The following NEBL variants were observed in gnomAD, a reference collection of about 807,000 sequenced individuals.
NEBL encodes LIM and SH3 protein 2.
A neutral mutation model predicts 140.2 loss-of-function variants in NEBL; 122 were observed. That is an observed-to-expected ratio of 0.87 (90% CI 0.75 to 1.01). The LOEUF (loss-of-function observed/expected upper bound fraction) is 1.01, where lower values mean the gene tolerates loss of function less well. Ranked by LOEUF, NEBL falls within the 50% of genes least tolerant of loss-of-function variation. The probability of loss-of-function intolerance (pLI) is 0.00; values close to 1 mark genes in which losing one functional copy is unlikely to be tolerated. For missense variants in NEBL, 1,365 were observed against 1,231.3 expected (o/e 1.11, Z -1.62); for synonymous variants, 436 against 398.9 (o/e 1.09, Z -1.11).
intron 3 of NEBL, among the ~76,000 whole-genome samples, chr10:21,199,496 G>A (rs1841700979): frequency 6.6e-6 from 1 of 152,130 alleles, no homozygotes; most frequent in Non-Finnish European, 1.5e-5. Context: ...TCAAGTGGAA[G>A]CCCCCTTAAA....
In NEBL at chr10:20,855,299, T is replaced by A. The variant is rs140534422; in HGVS notation, c.904-2650A>T. Reference sequence around the variant, plus strand: ...AAGAAAGATAATAATACAGACTTTATAATTTGATTAGAAGTTATCTTGTAA... The same window carrying A: ...AAGAAAGATAATAATACAGACTTTAAAATTTGATTAGAAGTTATCTTGTAA... On this transcript the variant is annotated intron_variant, in intron 9 of 27. Transcript: ENST00000377122. Among the ~76,000 whole-genome samples, 5 of 151,818 alleles carry A rather than the reference T, an allele frequency of 3.3e-5. No individual in the cohort carries two copies. In the East Asian group the frequency reaches 9.7e-4, roughly 29 times the overall value.
chr10:20,813,562 T>G (rs1290221572), intron 23 of NEBL, among the ~76,000 whole-genome samples: 2 of 152,162 alleles, frequency 1.3e-5, no homozygotes, highest in Non-Finnish European at 2.9e-5. Flanking sequence ...TAATATAATT[T>G]TTAAAACACA....
chr10:21,045,916 T>G (rs1834490979), intron 2 of NEBL, among the ~76,000 whole-genome samples: 2 of 152,132 alleles, frequency 1.3e-5, no homozygotes, highest in African/African-American at 4.8e-5. Flanking sequence ...ATACCTGCAA[T>G]CGCATGTTTA....
intron 2 of NEBL, chr10:21,069,939 C>G (rs948010031): frequency 4.4e-6 from 2 of 453,662 alleles, no homozygotes; most frequent in East Asian, 7.0e-5. Context: ...TAAATATCCC[C>G]TATCATGTAC....
intron 10 of NEBL, 60 bp downstream of exon 10, chr10:20,852,485 C>T: frequency 1.8e-6 from 2 of 1,109,738 alleles, no homozygotes; most frequent in South Asian, 2.5e-5. Context: ...GAGCGGCGGG[C>T]CTCAGGATGG....
chr10:21,096,853 T>C (rs569571036), intron 2 of NEBL, among the ~76,000 whole-genome samples: 5 of 152,234 alleles, frequency 3.3e-5, no homozygotes, highest in East Asian at 1.9e-4. Flanking sequence ...TTTCATCACA[T>C]TGGTCTTTCT....
chr10:21,180,685 A>G (rs1841371982), intron 3 of NEBL, among the ~76,000 whole-genome samples: 1 of 152,104 alleles, frequency 6.6e-6, no homozygotes, highest in African/African-American at 2.4e-5. Flanking sequence ...TCTCTCCCTA[A>G]GCCACCTTGT....
intron 3 of NEBL, among the ~76,000 whole-genome samples, chr10:21,003,954 C>CA (rs149698639): frequency 0.011 from 1,733 of 152,160 alleles, 22 homozygotes; most frequent in Non-Finnish European, 0.018. Flanking sequence ...AAAAGTCGTC[C>CA]AAAAAATCAA....
chr10:21,144,956 TAAAA>T (rs34036235), intron 2 of NEBL, among the ~76,000 whole-genome samples: 1 of 123,200 alleles, frequency 8.1e-6, no homozygotes, highest in African/African-American at 2.9e-5. Flanking sequence ...CCCTTCAAAT[TAAAA>T]AAAAAAAAAA....
chr10:21,002,958 C>T (rs1201033696), intron 3 of NEBL, among the ~76,000 whole-genome samples: 1 of 150,406 alleles, frequency 6.6e-6, no homozygotes, highest in Non-Finnish European at 1.5e-5. Context: ...AGACTGAACC[C>T]ATCATGATGG....
At chr10:20,833,963 T>C (rs1023362749) in intron 14 of NEBL, among the ~76,000 whole-genome samples, 1 of 152,132 alleles carries the variant, frequency 6.6e-6, no homozygotes, top group African/African-American at 2.4e-5. Flanking sequence ...ATGCTTTGGT[T>C]GGCGCCATTT....
intron 3 of NEBL, among the ~76,000 whole-genome samples, chr10:21,235,275 GAC>G (rs1181827109): frequency 1.3e-5 from 2 of 151,990 alleles, no homozygotes; most frequent in Non-Finnish European, 2.9e-5. Flanking sequence ...CAGCCTGGAT[GAC>G]AGAGTGAGAC....
chr10:20,986,687 GAAC>G (rs1346317541), intron 3 of NEBL, among the ~76,000 whole-genome samples: 5 of 152,126 alleles, frequency 3.3e-5, no homozygotes, highest in Non-Finnish European at 7.3e-5. Flanking sequence ...AAATTATAAT[GAAC>G]AAGTCATTCT....
intron 2 of NEBL, among the ~76,000 whole-genome samples, chr10:21,142,494 CA>C (rs1839677223): frequency 6.6e-6 from 1 of 152,090 alleles, no homozygotes; most frequent in Admixed American, 6.5e-5. Context: ...ACCTGTGAAA[CA>C]AACTAAACAA....
chr10:20,891,107 T>A (rs788962), intron 2 of NEBL, among the ~76,000 whole-genome samples: 36,024 of 152,072 alleles, frequency 0.24, 4,507 homozygotes, highest in East Asian at 0.42. Context: ...TTTTCCCATA[T>A]GCAAGCCTGA....
At chr10:20,883,330 C>G (rs548834266) in intron 4 of NEBL, among the ~76,000 whole-genome samples, 26 of 152,304 alleles carry the variant, frequency 1.7e-4, no homozygotes, top group African/African-American at 6.3e-4. Context: ...TCAGAAGCAG[C>G]ACCTCACATT....
At chr10:21,184,689 G>C (rs1314968340) in intron 3 of NEBL, among the ~76,000 whole-genome samples, 1 of 152,180 alleles carries the variant, frequency 6.6e-6, no homozygotes, top group Non-Finnish European at 1.5e-5. Context: ...TGTTGGAACA[G>C]AGTGCCTCTT....
chr10:21,144,754 A>G (rs1160149656), intron 2 of NEBL, among the ~76,000 whole-genome samples: 1 of 152,004 alleles, frequency 6.6e-6, no homozygotes, highest in East Asian at 1.9e-4. Flanking sequence ...AAAAAGGCAG[A>G]TTGGAATAGG....
intron 2 of NEBL, among the ~76,000 whole-genome samples, chr10:21,117,391 C>G (rs1412559087): frequency 6.6e-6 from 1 of 152,144 alleles, no homozygotes; most frequent in African/African-American, 2.4e-5. Context: ...TTGGTTAGAT[C>G]TCTTCTAACC....
Sources: allele counts gnomAD v4.1 joint callset (sites outside exome capture counted in the v4.1 genomes callset), GRCh38; gene constraint gnomAD v4.1.1; transcripts MANE v1.5; gene names NCBI Gene and HGNC (gene_info 2026-07-23, HGNC 2026-07-21).